Variants in CA10 observed in about 807,000 individuals in gnomAD.
CA10 encodes carbonic anhydrase-related protein 10.
A neutral mutation model predicts 44.2 loss-of-function variants in CA10; 14 were observed. That is an observed-to-expected ratio of 0.32 (90% confidence interval 0.21 to 0.50). The LOEUF is 0.50. Among genes scored for constraint, CA10 ranks in the 20% least tolerant of loss-of-function variants. The pLI is 0.99. For synonymous variants in CA10, 159 were observed against 141.6 expected (o/e 1.12, Z -0.87); for missense variants, 350 against 409.7 (o/e 0.85, Z 1.26).
intron 2 of CA10, among the ~76,000 whole-genome samples, chr17:52,050,570 G>A (rs1324479711): frequency 3.9e-5 from 6 of 151,986 alleles, no homozygotes; most frequent in African/African-American, 1.4e-4. Context: ...TGGCCTACAA[G>A]GCCTCTTCTT....
chr17:51,826,652 C>T (rs527291692), intron 3 of CA10, among the ~76,000 whole-genome samples: 33 of 152,176 alleles, frequency 2.2e-4, no homozygotes, highest in East Asian at 3.9e-4. Context: ...TCTGGGAGGC[C>T]GGCCTTTAGG....
At chr17:51,632,346 T>A (rs1912618382) in intron 8 of CA10, among the ~76,000 whole-genome samples, 1 of 152,142 alleles carries the variant, frequency 6.6e-6, no homozygotes, top group Non-Finnish European at 1.5e-5. Context: ...ATGAATGAGT[T>A]AGGTATTTAC....
intron 1 of CA10, among the ~76,000 whole-genome samples, chr17:52,093,218 ACATAC>A (rs1988316222): frequency 6.6e-6 from 1 of 152,186 alleles, no homozygotes; most frequent in Admixed American, 6.5e-5. Context: ...AGAGATGGGC[ACATAC>A]TAGCTGCTTA....
At chr17:51,659,324 A>ACCTC (rs1913914688) in intron 4 of CA10, among the ~76,000 whole-genome samples, 1 of 151,808 alleles carries the variant, frequency 6.6e-6, no homozygotes, top group Non-Finnish European at 1.5e-5. Context: ...ACTAGCGACC[A>ACCTC]CCTCTCTCCC....
chr17:51,991,152 A>G (rs1985025288), intron 2 of CA10, among the ~76,000 whole-genome samples: 1 of 152,132 alleles, frequency 6.6e-6, no homozygotes, highest in African/African-American at 2.4e-5. Flanking sequence ...TCTGACAGCA[A>G]TGAGAAAAAT....
At chr17:51,860,636 T>C (rs1979261269) in intron 3 of CA10, among the ~76,000 whole-genome samples, 1 of 152,202 alleles carries the variant, frequency 6.6e-6, no homozygotes, top group South Asian at 2.1e-4. Flanking sequence ...GGCTTTTACC[T>C]ATATAACAGA....
chr17:52,034,633 G>A (rs1024257237), intron 2 of CA10, among the ~76,000 whole-genome samples: 1 of 152,078 alleles, frequency 6.6e-6, no homozygotes, highest in African/African-American at 2.4e-5. Context: ...GTCCAATCCA[G>A]TCCAGCTCAA....
intron 3 of CA10, among the ~76,000 whole-genome samples, chr17:51,808,058 C>T (rs1304245376): frequency 6.6e-6 from 1 of 152,174 alleles, no homozygotes; most frequent in African/African-American, 2.4e-5. Context: ...CCATTGTTCT[C>T]ACTACAGATC....
intron 2 of CA10, among the ~76,000 whole-genome samples, chr17:52,066,827 C>A (rs1987550416): frequency 6.6e-6 from 1 of 152,154 alleles, no homozygotes; most frequent in Non-Finnish European, 1.5e-5. Flanking sequence ...ATCTGTGGAG[C>A]TTTGAACTTA....
intron 4 of CA10, among the ~76,000 whole-genome samples, chr17:51,727,158 T>C (rs935032805): frequency 6.6e-6 from 1 of 152,200 alleles, no homozygotes; most frequent in Non-Finnish European, 1.5e-5. Flanking sequence ...TCCTCAGCAA[T>C]GGACTATCTC....
chr17:51,798,766 T>C (rs1242803956), intron 3 of CA10, among the ~76,000 whole-genome samples: 4 of 152,184 alleles, frequency 2.6e-5, no homozygotes, highest in Non-Finnish European at 4.4e-5. Flanking sequence ...CTTGGAGGGA[T>C]AATAAAACAT....
intron 3 of CA10, among the ~76,000 whole-genome samples, chr17:51,807,765 A>C (rs1907190523): frequency 3.3e-5 from 5 of 152,360 alleles, no homozygotes; most frequent in Admixed American, 3.3e-4. Context: ...CAGACAAAAA[A>C]AGAGTCCAGA....
intron 3 of CA10, among the ~76,000 whole-genome samples, chr17:51,773,411 C>A (rs912515581): frequency 6.6e-6 from 1 of 152,184 alleles, no homozygotes; most frequent in Non-Finnish European, 1.5e-5. Context: ...GGCTAGTCAT[C>A]TCCTGTCTGA....
chr17:51,726,377 CTG>C (rs1916522874), intron 4 of CA10, among the ~76,000 whole-genome samples: 1 of 152,164 alleles, frequency 6.6e-6, no homozygotes. Context: ...AACACAGTGA[CTG>C]TAGTTAATAA....
chr17:52,035,998 A>C (rs1378775620), intron 2 of CA10, among the ~76,000 whole-genome samples: 1 of 152,220 alleles, frequency 6.6e-6, no homozygotes, highest in Non-Finnish European at 1.5e-5. Context: ...TCTATGCATC[A>C]GAATCACCTG....
chr17:51,971,141 T>G (rs553372234), intron 2 of CA10, among the ~76,000 whole-genome samples: 18 of 152,226 alleles, frequency 1.2e-4, no homozygotes, highest in African/African-American at 4.3e-4. Flanking sequence ...TTCATTAATT[T>G]CAGACCAACA....
chr17:51,865,786 GATGTTAGGCTGCCTCT>G (rs923969287), intron 3 of CA10, among the ~76,000 whole-genome samples: 26 of 152,180 alleles, frequency 1.7e-4, no homozygotes, highest in Admixed American at 9.2e-4. Flanking sequence ...CCTCATCTAT[GATGTTAGGCTGCCTCT>G]ATATCATATC....
chr17:51,783,977 G>T (rs1398622872), intron 3 of CA10, among the ~76,000 whole-genome samples: 1 of 152,164 alleles, frequency 6.6e-6, no homozygotes, highest in Admixed American at 6.5e-5. Flanking sequence ...TGAAAGAGGA[G>T]GGGCCTGCCA....
At chr17:51,757,746 G>C (rs941995815) in intron 3 of CA10, among the ~76,000 whole-genome samples, 30 of 152,146 alleles carry the variant, frequency 2.0e-4, no homozygotes, top group African/African-American at 6.8e-4. Flanking sequence ...TCTTCTCACT[G>C]TTTGTCCAGA....
Sources: allele counts gnomAD v4.1 joint callset (sites outside exome capture counted in the v4.1 genomes callset), GRCh38; gene constraint gnomAD v4.1.1; transcripts MANE v1.5; gene names NCBI Gene and HGNC (gene_info 2026-07-23, HGNC 2026-07-21).